ST6GALNAC3: variants seen among roughly 807,000 people sequenced by gnomAD.
ST6GALNAC3 encodes ST6 N-acetylgalactosaminide alpha-2,6-sialyltransferase 3.
Under a neutral mutation model 32.7 loss-of-function variants are expected in ST6GALNAC3, and 25 were observed. The ratio of observed to expected loss-of-function variants is 0.76; its 90% CI spans 0.56 to 1.07. The LOEUF is 1.07. ST6GALNAC3 is among the 50% of genes least tolerant of loss of function. The pLI, the probability that ST6GALNAC3 is intolerant of heterozygous loss-of-function variation, is 0.00. For missense variants in ST6GALNAC3, 355 were observed against 382.4 expected, an observed-to-expected ratio of 0.93 and a Z score of 0.60; for synonymous variants, 129 against 133.1, an observed-to-expected ratio of 0.97 and a Z score of 0.21.
rs894838370 is a variant in ST6GALNAC3, at chr1:76,087,310, A to G, written c.18+12426A>G. Among the ~76,000 whole-genome samples the G allele has an allele frequency of 2.6e-5, 4 of 152,206 alleles. No homozygotes were observed. In the East Asian group the frequency reaches 5.8e-4, roughly 22 times the overall value. ...TGTGTTAAAACTATTGAAATCCACT[A>G]TACATTATTTCAGATTTATGTAGGT... On this transcript the variant is annotated intron_variant, in intron 1 of 4. Coordinates refer to ENST00000328299, the MANE Select transcript of ST6GALNAC3 (RefSeq NM_152996.4).
At chr1:76,525,992 G>A (rs2101806644) in intron 3 of ST6GALNAC3, among the ~76,000 whole-genome samples, 1 of 150,982 alleles carries the variant, frequency 6.6e-6, no homozygotes, top group South Asian at 2.1e-4. Context: ...CAAAAACAAT[G>A]ACAAACTCAG....
intron 1 of ST6GALNAC3, among the ~76,000 whole-genome samples, chr1:76,180,460 A>C (rs1360301270): frequency 1.3e-5 from 2 of 152,122 alleles, no homozygotes; most frequent in African/African-American, 4.8e-5. Context: ...GTTCCCTTAC[A>C]AAGGCTCCAC....
At chr1:76,096,533 C>T (rs1163083265) in intron 1 of ST6GALNAC3, among the ~76,000 whole-genome samples, 1 of 151,608 alleles carries the variant, frequency 6.6e-6, no homozygotes, top group Non-Finnish European at 1.5e-5. Flanking sequence ...AAGCCCCCTT[C>T]TTTTAAGACA....
rs1553172548 is a variant in ST6GALNAC3 at position 76,277,567 on chromosome 1, TACACACACAC to T, written c.19-36236_19-36227del. Among the ~76,000 whole-genome samples the T allele has an allele frequency of 1.6e-3, 84 of 51,188 alleles. 1 individual carries two copies. The highest frequency in any genetic ancestry group is 0.014 in the East Asian group (10 of 726). 33.6% of individuals were successfully genotyped at this position (51,188 alleles called of 152,430 possible). On this transcript the variant is annotated intron_variant, in intron 1 of 4. Coordinates refer to ENST00000328299, the MANE Select transcript of ST6GALNAC3 (RefSeq NM_152996.4). ...ATATATATATATATATATATATATA[TACACACACAC>T]ATATGTTTATGTGTATATATATATA...
intron 1 of ST6GALNAC3, among the ~76,000 whole-genome samples, chr1:76,185,431 A>T (rs1415851757): frequency 6.6e-6 from 1 of 152,148 alleles, no homozygotes; most frequent in Non-Finnish European, 1.5e-5. Flanking sequence ...TTTGTTCTTA[A>T]AACAGTGCCT....
chr1:76,334,989 G>T (rs1384488788), intron 2 of ST6GALNAC3, among the ~76,000 whole-genome samples: 1 of 152,110 alleles, frequency 6.6e-6, no homozygotes, highest in Non-Finnish European at 1.5e-5. Context: ...AAGACCCAAA[G>T]CTCTTCTAAT....
At chr1:76,278,685 AT>A (rs1659325303) in intron 1 of ST6GALNAC3, among the ~76,000 whole-genome samples, 1 of 152,224 alleles carries the variant, frequency 6.6e-6, no homozygotes, top group Admixed American at 6.5e-5. Context: ...TTTGAAAGTA[AT>A]TTTAGTAAAT....
chr1:76,619,406 T>C (rs573150983), intron 3 of ST6GALNAC3, among the ~76,000 whole-genome samples: 37 of 152,168 alleles, frequency 2.4e-4, no homozygotes, highest in Admixed American at 9.8e-4. Flanking sequence ...ACTTTGCTCG[T>C]GATTTGTAAC....
chr1:76,423,839 G>C (rs1655191034), intron 3 of ST6GALNAC3, among the ~76,000 whole-genome samples: 1 of 151,958 alleles, frequency 6.6e-6, no homozygotes, highest in South Asian at 2.1e-4. Flanking sequence ...GGGTAGTAGA[G>C]AGAGAAGGGG....
chr1:76,093,846 ATTG>A (rs1326556619), intron 1 of ST6GALNAC3, among the ~76,000 whole-genome samples: 3 of 152,226 alleles, frequency 2.0e-5, no homozygotes, highest in Middle Eastern at 3.4e-3. Flanking sequence ...TGACAACTTT[ATTG>A]TTCTTTGTTG....
chr1:76,478,967 G>T (rs897499944), intron 3 of ST6GALNAC3, among the ~76,000 whole-genome samples: 1 of 151,776 alleles, frequency 6.6e-6, no homozygotes, highest in Admixed American at 6.6e-5. Context: ...GTTTCACTGT[G>T]TTAGACAGGA....
chr1:76,619,400 T>C (rs1648495363), intron 3 of ST6GALNAC3, among the ~76,000 whole-genome samples: 1 of 152,284 alleles, frequency 6.6e-6, no homozygotes, highest in East Asian at 1.9e-4. Flanking sequence ...TAGATGACTT[T>C]GCTCGTGATT....
chr1:76,103,283 T>C (rs879761673), intron 1 of ST6GALNAC3, among the ~76,000 whole-genome samples: 1 of 152,088 alleles, frequency 6.6e-6, no homozygotes, highest in Admixed American at 6.6e-5. Flanking sequence ...TTGTCAAATA[T>C]TGCTTTTCCC....
intron 1 of ST6GALNAC3, among the ~76,000 whole-genome samples, chr1:76,196,656 G>A (rs1654222396): frequency 1.3e-5 from 2 of 152,060 alleles, no homozygotes; most frequent in Admixed American, 6.5e-5. Context: ...AGTAGAGATG[G>A]TGTTTCACCA....
intron 1 of ST6GALNAC3, among the ~76,000 whole-genome samples, chr1:76,312,863 C>T (rs1646792976): frequency 6.6e-6 from 1 of 152,158 alleles, no homozygotes; most frequent in South Asian, 2.1e-4. Context: ...GTATTCTTGT[C>T]TGCGTGCTGT....
At chr1:76,599,688 T>A (rs1647190252) in intron 3 of ST6GALNAC3, among the ~76,000 whole-genome samples, 1 of 151,680 alleles carries the variant, frequency 6.6e-6, no homozygotes, top group Admixed American at 6.6e-5. Context: ...ATTCGTTGTT[T>A]GATTATTTTA....
Position 76,355,322 on chromosome 1 carries a change from A to G in ST6GALNAC3, c.213+41323A>G, listed in dbSNP as rs573129926. On this transcript the variant is annotated intron_variant, in intron 2 of 4. Transcript: ENST00000328299. ...TAAAGAAAGAAAATAGAAATTATGT[A>G]TATTCCTACCAAAGACAATTTCCAT... is the stretch of plus-strand genomic sequence containing the variant. 8.5e-5 allele frequency among the ~76,000 whole-genome samples: 13 copies of G among 152,308 alleles called. No homozygotes were observed. In the South Asian group the frequency reaches 2.1e-3, roughly 24 times the overall value.
intron 1 of ST6GALNAC3, among the ~76,000 whole-genome samples, chr1:76,171,119 G>GTGTGTGTGTA (rs1652468288): frequency 6.6e-6 from 1 of 150,714 alleles, no homozygotes; most frequent in South Asian, 2.1e-4. Flanking sequence ...GTGTGTGTGT[G>GTGTGTGTGTA]TGCTGAAGAT....
intron 1 of ST6GALNAC3, among the ~76,000 whole-genome samples, chr1:76,279,104 T>A (rs1168521638): frequency 1.3e-5 from 2 of 152,238 alleles, no homozygotes; most frequent in African/African-American, 2.4e-5. Context: ...GGGAGGAGAT[T>A]TTGCACACCT....
Sources: gnomAD v4.1 joint callset for allele counts (sites outside exome capture counted in the v4.1 genomes callset) on GRCh38, gnomAD v4.1.1 for gene constraint, MANE v1.5 for transcripts, NCBI Gene and HGNC (gene_info 2026-07-23, HGNC 2026-07-21) for gene names.